PCDHGA4: variants seen among roughly 807,000 people sequenced by gnomAD.
PCDHGA4 encodes protocadherin gamma-A4.
In PCDHGA4, 38 loss-of-function variants were observed where a neutral mutation model predicts 54.6. That is an observed-to-expected ratio of 0.70 (90% CI 0.54 to 0.91). The LOEUF (loss-of-function observed/expected upper bound fraction) is 0.91, where lower values mean the gene tolerates loss of function less well. PCDHGA4 is among the 40% of genes least tolerant of loss of function. PCDHGA4 has a pLI of 0.00. For missense variants in PCDHGA4, 1,298 were observed against 1,220.9 expected (o/e 1.06, Z -0.94); for synonymous variants, 511 against 512.9 (o/e 1.00, Z 0.05).
At chr5:141,393,228 G>C (rs753113857) in intron 1 of PCDHGA4, 2 of 1,613,720 alleles carry the variant, frequency 1.2e-6, no homozygotes, top group East Asian at 2.2e-5. Context: ...CGAAGATCTA[G>C]AAGTAAAAAT....
At chr5:141,392,956 T>G in intron 1 of PCDHGA4, 1 of 1,613,820 alleles carries the variant, frequency 6.2e-7, no homozygotes, top group South Asian at 1.1e-5. Context: ...GTGGGTAATA[T>G]CTCCAAGGAC....
chr5:141,410,161 A>C (rs2095363664), intron 1 of PCDHGA4: 1 of 1,613,220 alleles, frequency 6.2e-7, no homozygotes, highest in African/African-American at 1.3e-5. Context: ...GACAGCCGCC[A>C]CTCTCTGCCA....
At chr5:141,435,919 T>C (rs2097786247) in intron 1 of PCDHGA4, among the ~76,000 whole-genome samples, 2 of 152,148 alleles carry the variant, frequency 1.3e-5, no homozygotes, top group South Asian at 4.1e-4. Flanking sequence ...GGCTCTAAAA[T>C]GCGGCAGTTG....
At chr5:141,400,165 C>T (rs749867110) in intron 1 of PCDHGA4, 2 of 1,614,040 alleles carry the variant, frequency 1.2e-6, no homozygotes, top group South Asian at 2.2e-5. Flanking sequence ...ACCCTCTGAC[C>T]CCCAGGCTGA....
Position 141,490,965 on chromosome 5 carries a change from C to G in PCDHGA4, c.2515-3842C>G. On this transcript the variant is annotated intron_variant, in intron 1 of 3. Coordinates refer to ENST00000571252, the MANE Select transcript of PCDHGA4 (RefSeq NM_018917.4). This position sits in a 1 kb window ranked among gnomAD's most constrained non-coding sequence, Gnocchi z 5.4. ...CACGGCCAGACTGGGAACACTCAGC[C>G]CCCCAGCGTCTCCCTCGCTCTGCTC... is the stretch of plus-strand genomic sequence containing the variant. 5 of 1,613,856 alleles carry G rather than the reference C, an allele frequency of 3.1e-6. No homozygotes were observed. The highest frequency in any genetic ancestry group is 3.3e-4 in the Middle Eastern group (2 of 6,062).
intron 1 of PCDHGA4, chr5:141,419,727 C>G (rs1344063538): frequency 6.2e-7 from 1 of 1,613,582 alleles, no homozygotes; most frequent in Admixed American, 1.7e-5. Flanking sequence ...GGGCTGCGAA[C>G]AGGCGAGGTG....
chr5:141,417,842 C>G (rs1247720013), intron 1 of PCDHGA4: 2 of 1,537,166 alleles, frequency 1.3e-6, no homozygotes, highest in Admixed American at 2.0e-5. Flanking sequence ...GGGGACCCAG[C>G]GAGAACCCGA....
At chr5:141,457,356 C>G (rs2098917888) in intron 1 of PCDHGA4, among the ~76,000 whole-genome samples, 1 of 152,170 alleles carries the variant, frequency 6.6e-6, no homozygotes, top group South Asian at 2.1e-4. Context: ...TTACCTGGCA[C>G]AATTTGCAAA....
chr5:141,389,604 G>A, intron 1 of PCDHGA4: 1 of 1,613,156 alleles, frequency 6.2e-7, no homozygotes, highest in Non-Finnish European at 8.5e-7. Flanking sequence ...TGCGCTCTTC[G>A]ATATGGTGCC....
chr5:141,478,870 GT>G, intron 1 of PCDHGA4: 1 of 1,273,360 alleles, frequency 7.9e-7, no homozygotes, highest in Non-Finnish European at 1.0e-6. Context: ...AGCGATCAGA[GT>G]TTAGCTTGGT....
intron 1 of PCDHGA4, among the ~76,000 whole-genome samples, chr5:141,465,104 T>A (rs1044128193): frequency 1.3e-5 from 2 of 151,862 alleles, no homozygotes; most frequent in East Asian, 3.9e-4. Context: ...GTTTTTTTTT[T>A]AAGTGTTTTA....
chr5:141,485,587 G>C lies in PCDHGA4; in HGVS notation c.2515-9220G>C. 6.2e-7 allele frequency: 1 copy of C among 1,612,652 alleles called. No individual in the cohort carries two copies. The highest frequency in any genetic ancestry group is 1.7e-5 in the Admixed American group (1 of 59,982). On this transcript the variant is annotated intron_variant, in intron 1 of 3. Coordinates refer to ENST00000571252, the MANE Select transcript of PCDHGA4 (RefSeq NM_018917.4). This position sits in a 1 kb window ranked among gnomAD's most constrained non-coding sequence, Gnocchi z 5.7. ...CCCCCCGTTTTCCGCGGCAGCAGCT[G>C]GACTTGGAAATTGGGGAGGCAGCTC... is the stretch of plus-strand genomic sequence containing the variant.
chr5:141,383,381 A>G, intron 1 of PCDHGA4: 2 of 1,614,034 alleles, frequency 1.2e-6, no homozygotes, highest in Non-Finnish European at 1.7e-6. Flanking sequence ...GGGGATCCAG[A>G]TGTGGGCACG....
intron 1 of PCDHGA4, chr5:141,399,951 C>A (rs749264259): frequency 6.2e-7 from 1 of 1,612,120 alleles, no homozygotes; most frequent in Non-Finnish European, 8.5e-7. Flanking sequence ...TGCAGGCTAG[C>A]GAGCCCGGGC....
chr5:141,356,164 C>T lies in PCDHGA4; in HGVS notation c.1057C>T (p.His353Tyr), dbSNP rs1760136427. The change falls in exon 1 of 4, where the codon CAT becomes TAT. Residue 353 changes from histidine to tyrosine, a missense_variant. Transcript: ENST00000571252. ...SGFYDIDVEA[H>Y]DGPGLRARSK... Reference sequence around the variant, plus strand: ...ATTCTATGACATAGATGTAGAAGCCCATGATGGGCCTGGTCTCCGAGCTAG... The same window carrying T: ...ATTCTATGACATAGATGTAGAAGCCTATGATGGGCCTGGTCTCCGAGCTAG... 1 of 1,612,932 alleles carries T rather than the reference C, an allele frequency of 6.2e-7. No individual in the cohort carries two copies. The highest frequency in any genetic ancestry group is 8.5e-7 in the Non-Finnish European group (1 of 1,179,460).
intron 1 of PCDHGA4, among the ~76,000 whole-genome samples, chr5:141,462,192 T>C (rs1323806836): frequency 6.6e-6 from 1 of 152,198 alleles, no homozygotes; most frequent in Non-Finnish European, 1.5e-5. Context: ...ACTCCTGACC[T>C]CAGGTGATCC....
intron 1 of PCDHGA4, chr5:141,375,382 T>C (rs1197726438): frequency 6.2e-7 from 1 of 1,613,986 alleles, no homozygotes; most frequent in Non-Finnish European, 8.5e-7. Flanking sequence ...CACCTCTGTC[T>C]ACAGAAACAA....
chr5:141,418,363 C>G (rs147423305), intron 1 of PCDHGA4: 1 of 1,613,866 alleles, frequency 6.2e-7, no homozygotes, highest in Non-Finnish European at 8.5e-7. Context: ...ATTCGCTGAG[C>G]AAATACCAAC....
intron 1 of PCDHGA4, among the ~76,000 whole-genome samples, chr5:141,463,541 C>T (rs1423301726): frequency 2.7e-5 from 4 of 150,402 alleles, no homozygotes; most frequent in East Asian, 2.0e-4. Flanking sequence ...CTCCGGCTCC[C>T]GGGTTCATGC....
Sources: allele counts gnomAD v4.1 joint callset (sites outside exome capture counted in the v4.1 genomes callset), GRCh38; gene constraint gnomAD v4.1.1; non-coding constraint Gnocchi (gnomAD v3.1); transcripts MANE v1.5; gene names NCBI Gene and HGNC (gene_info 2026-07-23, HGNC 2026-07-21).